Variants in AKNA observed in about 807,000 individuals in gnomAD.
AKNA encodes the protein AT-hook transcription factor, also known as microtubule organization protein AKNA.
In AKNA, 67 loss-of-function variants were observed where a neutral mutation model predicts 138.8. The ratio of observed to expected loss-of-function variants is 0.48; its 90% CI spans 0.40 to 0.59. AKNA has a LOEUF of 0.59. Ranked by LOEUF, AKNA falls within the 20% of genes least tolerant of loss-of-function variation. AKNA has a pLI of 0.00. For synonymous variants in AKNA, 737 were observed against 754.4 expected (o/e 0.98, Z 0.38); for missense variants, 1,813 against 1,880.4 (o/e 0.96, Z 0.66).
intron 2 of AKNA, among the ~76,000 whole-genome samples, chr9:114,379,882 G>A (rs907950181): frequency 5.3e-5 from 8 of 152,164 alleles, no homozygotes; most frequent in African/African-American, 1.4e-4. Context: ...CAGGCATGAC[G>A]GCTCGCATCT....
At chr9:114,339,571 C>T (rs1830204933) in intron 21 of AKNA, among the ~76,000 whole-genome samples, 1 of 152,222 alleles carries the variant, frequency 6.6e-6, no homozygotes, top group African/African-American at 2.4e-5. Context: ...TGCCCACAGG[C>T]CTGAGCCTGG....
chr9:114,337,352 G>C (rs1830064556), intron 21 of AKNA, 46 bp from the exon 22 acceptor site: 2 of 1,391,184 alleles, frequency 1.4e-6, no homozygotes, highest in African/African-American at 2.9e-5. Flanking sequence ...GGAGGGCTGG[G>C]GACAAGCCGA....
At chr9:114,337,370 C>T (rs773745664) in intron 21 of AKNA, 64 bp from the exon 22 acceptor site, 73 of 1,367,386 alleles carry the variant, frequency 5.3e-5, no homozygotes, top group Non-Finnish European at 6.3e-5. Context: ...CGAGGAGCAC[C>T]GTGTGTGGGG....
chr9:114,352,934 G>A (rs111871647), intron 14 of AKNA, among the ~76,000 whole-genome samples: 3,188 of 150,050 alleles, frequency 0.021, 101 homozygotes, highest in African/African-American at 0.076. Flanking sequence ...AAAAAAAAAA[G>A]ATGAACCTTT....
At chr9:114,332,006 A>T (rs565767322), downstream of AKNA, 1,089 of 1,357,692 alleles carry the variant, frequency 8.0e-4, 21 homozygotes, top group African/African-American at 0.016. Flanking sequence ...AGAGCAGGAA[A>T]GCTGCCAGGC....
At chr9:114,377,578 C>G (rs2132061703) in intron 2 of AKNA, 46 bp from the exon 3 acceptor site, 4 of 1,516,322 alleles carry the variant, frequency 2.6e-6, no homozygotes, top group Non-Finnish European at 3.5e-6. Flanking sequence ...CAGCTCTGCA[C>G]CCACCTTGTA....
intron 21 of AKNA, among the ~76,000 whole-genome samples, chr9:114,340,518 GCAC>G (rs1423184684): frequency 6.6e-6 from 1 of 152,168 alleles, no homozygotes; most frequent in African/African-American, 2.4e-5. Flanking sequence ...TGACCAAATG[GCAC>G]CACAAACTCC....
chr9:114,351,007 CT>C lies in AKNA; in HGVS notation c.3072del (p.Glu1025SerfsTer147). On this transcript the variant is annotated frameshift_variant, in exon 15 of 22. Coordinates refer to ENST00000374088, the MANE Select transcript of AKNA (RefSeq NM_001317950.2). LOFTEE classifies it high-confidence loss of function. ...TLAAEMAVPG[S>X]EFEGHKRISE... ...GAAATCCGTTTGTGCCCCTCAAACTCTGAGCCAGGAACCGCTAGGGAGGCAG... is the reference window on the plus strand; with the variant it reads ...GAAATCCGTTTGTGCCCCTCAAACTCGAGCCAGGAACCGCTAGGGAGGCAG... 2 of 1,613,756 alleles carry C rather than the reference CT, an allele frequency of 1.2e-6. No individual in the cohort carries two copies. Among genetic ancestry groups the C allele is most frequent in the Non-Finnish European group, 1.7e-6 (2 of 1,179,948 alleles).
rs930065255 is a variant in AKNA, at chr9:114,387,878, C to T, written c.-132G>A. 2 of 455,200 alleles carry T rather than the reference C, an allele frequency of 4.4e-6. No homozygotes were observed. The highest frequency in any genetic ancestry group is 8.8e-6 in the Non-Finnish European group (2 of 226,272). 28.2% of individuals were successfully genotyped at this position (455,200 alleles called of 1,614,324 possible). A position where few individuals can be genotyped will look rare whatever the true frequency, so the allele number is the denominator to read the frequency against. On this transcript the variant is annotated 5_prime_UTR_variant, in exon 1 of 22. It adds an upstream start codon to the 5' untranslated region. Transcript: ENST00000374088. The stretch of plus-strand genomic sequence containing the variant: ...CCCTTACCTCTCTCGGGCTCCACCA[C>T]CGTCCTGCCGACCCAGTTTCAGGGG...
chr9:114,371,786 T>C (rs1832785631), intron 4 of AKNA, among the ~76,000 whole-genome samples: 1 of 152,080 alleles, frequency 6.6e-6, no homozygotes, highest in Non-Finnish European at 1.5e-5. Flanking sequence ...CGCGGCTCCC[T>C]CCCAGGTGGG....
chr9:114,362,542 A>G lies in AKNA; in HGVS notation c.1789-9T>C. 7 of 1,611,952 alleles carry G rather than the reference A, an allele frequency of 4.3e-6. No individual in the cohort carries two copies. The highest frequency in any genetic ancestry group is 5.9e-6 in the Non-Finnish European group (7 of 1,179,404). ...TTCAGCCGCTGGAAGCCCTGAAACC[A>G]GACCAGGCCAGGAAGACTTGAGTGC... On this transcript the variant is annotated splice_polypyrimidine_tract_variant and intron_variant, in intron 7 of 21. Transcript: ENST00000374088.
At chr9:114,382,773 A>G (rs1337920320) in intron 1 of AKNA, among the ~76,000 whole-genome samples, 1 of 152,146 alleles carries the variant, frequency 6.6e-6, no homozygotes, top group Non-Finnish European at 1.5e-5. Flanking sequence ...ATATCCAGGC[A>G]AGGTAACTCC....
chr9:114,348,724 C>T (rs1416179532), intron 15 of AKNA, among the ~76,000 whole-genome samples: 1 of 152,186 alleles, frequency 6.6e-6, no homozygotes, highest in Non-Finnish European at 1.5e-5. Flanking sequence ...TTGCTGACAC[C>T]GCAGCAGACA....
chr9:114,368,993 ATAAT>A (rs1259962892), intron 4 of AKNA, among the ~76,000 whole-genome samples: 13 of 152,242 alleles, frequency 8.5e-5, no homozygotes, highest in Admixed American at 3.9e-4. Context: ...TAATTATATC[ATAAT>A]TAATATACCA....
intron 5 of AKNA, 46 bp from the exon 6 acceptor site, chr9:114,367,743 C>T (rs769306625): frequency 6.6e-7 from 1 of 1,505,718 alleles, no homozygotes; most frequent in Admixed American, 2.2e-5. Flanking sequence ...ACAGTCCTTC[C>T]AGGAGCTGAA....
intron 16 of AKNA, 81 bp from the exon 17 acceptor site, chr9:114,346,865 G>T (rs897934150): frequency 8.6e-7 from 1 of 1,163,686 alleles, no homozygotes; most frequent in Non-Finnish European, 1.3e-6. Flanking sequence ...AGTTCAACCT[G>T]GAGAAATGCT....
chr9:114,331,794 G>A, downstream of AKNA: 4 of 1,607,152 alleles, frequency 2.5e-6, no homozygotes, highest in Non-Finnish European at 3.4e-6. Context: ...GCCCCACCAT[G>A]TCCCCAGTCA....
At chr9:114,352,491 C>A (rs1048698862) in intron 14 of AKNA, among the ~76,000 whole-genome samples, 3 of 151,466 alleles carry the variant, frequency 2.0e-5, no homozygotes, top group African/African-American at 7.3e-5. Context: ...CAGCTACTCG[C>A]GAGGCTGAGG....
chr9:114,375,648 T>G (rs1343481101), intron 3 of AKNA, among the ~76,000 whole-genome samples: 1 of 152,106 alleles, frequency 6.6e-6, no homozygotes, highest in Non-Finnish European at 1.5e-5. Flanking sequence ...GCCTGAAATT[T>G]TGCTTCAAAA....
Sources: gnomAD v4.1 joint callset for allele counts (sites outside exome capture counted in the v4.1 genomes callset) on GRCh38, gnomAD v4.1.1 for gene constraint, MANE v1.5 for transcripts, NCBI Gene and HGNC (gene_info 2026-07-23, HGNC 2026-07-21) for gene names.